Variants in RBMS2 observed in about 807,000 individuals in gnomAD.
RBMS2 encodes RNA binding motif single stranded interacting protein 2, also known as RNA-binding motif, single-stranded-interacting protein 2.
RBMS2 carries 38 observed loss-of-function variants against 58.4 expected under a neutral mutation model. That is an observed-to-expected ratio of 0.65 (90% CI 0.50 to 0.85). The LOEUF (loss-of-function observed/expected upper bound fraction) is 0.85. Ranked by LOEUF, RBMS2 falls within the 40% of genes least tolerant of loss-of-function variation. The pLI is 0.00. For synonymous variants in RBMS2, 151 were observed against 180.7 expected, an observed-to-expected ratio of 0.84 and a Z score of 1.32; for missense variants, 367 against 503.7, an observed-to-expected ratio of 0.73 and a Z score of 2.60.
At position 56,589,462 on chromosome 12, in the gene RBMS2, T is replaced by A; in HGVS notation, c.*329T>A. 2.8e-6 allele frequency: 1 copy of A among 355,108 alleles called. No homozygotes were observed. The highest frequency in any genetic ancestry group is 4.5e-6 in the Non-Finnish European group (1 of 220,418). 22.0% of individuals were successfully genotyped at this position (355,108 alleles called of 1,614,324 possible). The stretch of plus-strand genomic sequence containing the variant: ...TTTCCCCTACCTTGAAGAGACATGG[T>A]GGTCGCAGCTTCTCATCTATATGAA... On this transcript the variant is annotated 3_prime_UTR_variant, in exon 14 of 14. Coordinates refer to ENST00000262031, the MANE Select transcript of RBMS2 (RefSeq NM_002898.4).
chr12:56,552,996 T>A (rs1326069803), intron 1 of RBMS2, among the ~76,000 whole-genome samples: 1 of 135,546 alleles, frequency 7.4e-6, no homozygotes, highest in African/African-American at 2.7e-5. Flanking sequence ...TGGTGCACTC[T>A]CGGCTCACTG....
intron 1 of RBMS2, among the ~76,000 whole-genome samples, chr12:56,550,804 C>A (rs943714248): frequency 2.0e-5 from 3 of 149,618 alleles, no homozygotes; most frequent in Non-Finnish European, 3.0e-5. Context: ...ATTGCGCCAT[C>A]GCACCCTAGC....
chr12:56,595,399 T>TAAAC lies in RBMS2; in HGVS notation c.*6268_*6271dup, dbSNP rs963181406. On this transcript the variant is annotated 3_prime_UTR_variant, in exon 14 of 14. Coordinates refer to ENST00000262031, the MANE Select transcript of RBMS2 (RefSeq NM_002898.4). ...CATGTGGACAGAAAATGTTTATACT[T>TAAAC]AAACAGACATATTTTGCATATTTTT... 1 of 152,180 alleles carries TAAAC rather than the reference T, an allele frequency of 6.6e-6. No individual in the cohort carries two copies. Among genetic ancestry groups the TAAAC allele is most frequent in the Admixed American group, 6.5e-5 (1 of 15,274 alleles). 9.4% of individuals were successfully genotyped at this position (152,180 alleles called of 1,614,324 possible). A position where few individuals can be genotyped will look rare whatever the true frequency, so the allele number is the denominator to read the frequency against.
intron 5 of RBMS2, among the ~76,000 whole-genome samples, chr12:56,573,431 C>A (rs1882629415): frequency 7.4e-6 from 1 of 134,466 alleles, no homozygotes; most frequent in African/African-American, 2.8e-5. Context: ...AAGCCGAGAT[C>A]GCGCCATTGC....
rs188047067 is a variant in RBMS2 at position 56,584,524 on chromosome 12, G to A, written c.874-2325G>A. Among the ~76,000 whole-genome samples, 441 of 151,662 alleles carry A rather than the reference G, an allele frequency of 2.9e-3. 2 individuals are homozygous for A. The highest frequency in any genetic ancestry group is 9.9e-3 in the African/African-American group (408 of 41,352). On this transcript the variant is annotated intron_variant, in intron 9 of 13. Coordinates refer to ENST00000262031, the MANE Select transcript of RBMS2 (RefSeq NM_002898.4). ...TTTGAGGCCAGGCACGGTGGCTCACGCCTATAATCCCAGCACTTTGGGAGG... is the reference window on the plus strand; with the variant it reads ...TTTGAGGCCAGGCACGGTGGCTCACACCTATAATCCCAGCACTTTGGGAGG...
intron 1 of RBMS2, among the ~76,000 whole-genome samples, chr12:56,549,754 CG>C (rs1877896256): frequency 6.6e-6 from 1 of 151,996 alleles, no homozygotes; most frequent in African/African-American, 2.4e-5. Context: ...AGGCAAGGTG[CG>C]GGGGCTCATG....
At chr12:56,580,096 A>AT (rs1295737720) in intron 5 of RBMS2, among the ~76,000 whole-genome samples, 6 of 150,210 alleles carry the variant, frequency 4.0e-5, no homozygotes, top group African/African-American at 9.8e-5. Flanking sequence ...CACTCAGCTA[A>AT]TTTTTTTTGT....
intron 1 of RBMS2, among the ~76,000 whole-genome samples, chr12:56,544,967 G>A (rs985812955): frequency 1.3e-5 from 2 of 151,746 alleles, no homozygotes; most frequent in African/African-American, 4.8e-5. Context: ...TGGTTACATG[G>A]ATAAGTTCTT....
chr12:56,542,265 A>G (rs138247214), intron 1 of RBMS2, among the ~76,000 whole-genome samples: 4 of 151,530 alleles, frequency 2.6e-5, no homozygotes, highest in African/African-American at 2.4e-5. Flanking sequence ...GAGTTTCGCC[A>G]TGTTGCCCAG....
chr12:56,549,868 A>G (rs577345505), intron 1 of RBMS2, among the ~76,000 whole-genome samples: 5 of 152,026 alleles, frequency 3.3e-5, no homozygotes, highest in Non-Finnish European at 7.4e-5. Flanking sequence ...TCTCTACTAA[A>G]AATACAAAAT....
chr12:56,553,228 T>A lies in RBMS2; in HGVS notation c.67-9189T>A, dbSNP rs145889250. On this transcript the variant is annotated intron_variant, in intron 1 of 13. Transcript: ENST00000262031. ...CACTGCACCCTGCCAGGAGTCTTTT[T>A]TGAGACAGAGTATCACTCTATTAAG... is the stretch of plus-strand genomic sequence containing the variant. Among the ~76,000 whole-genome samples the A allele has an allele frequency of 2.9e-3, 440 of 151,978 alleles. 6 individuals carry two copies. The highest frequency in any genetic ancestry group is 5.1e-3 in the Admixed American group (78 of 15,250).
At chr12:56,561,841 G>A (rs560112751) in intron 1 of RBMS2, among the ~76,000 whole-genome samples, 132 of 132,806 alleles carry the variant, frequency 9.9e-4, no homozygotes, top group Non-Finnish European at 1.4e-3. Context: ...TTCCAAACGT[G>A]CTGTCGCCCA....
rs1227117605 is a variant in RBMS2 at position 56,595,788 on chromosome 12, C to A, written c.*6655C>A. The A allele has an allele frequency of 6.6e-6, 1 of 152,592 alleles. No individual in the cohort carries two copies. The highest frequency in any genetic ancestry group is 1.5e-5 in the Non-Finnish European group (1 of 68,046). The allele number at this position is 152,592 out of a possible 1,614,324, so 9.5% of individuals were successfully genotyped here. ...ACATTTAGGCAGGAGCACTAATGAC[C>A]CTTTCCATCCACACAGAGGGTATGG... On this transcript the variant is annotated 3_prime_UTR_variant, in exon 14 of 14. Coordinates refer to ENST00000262031, the MANE Select transcript of RBMS2 (RefSeq NM_002898.4).
chr12:56,566,337 C>T (rs1403997687), intron 2 of RBMS2, among the ~76,000 whole-genome samples: 1 of 152,162 alleles, frequency 6.6e-6, no homozygotes, highest in Non-Finnish European at 1.5e-5. Flanking sequence ...AGCTCTTGTA[C>T]TTCTGACTTT....
At chr12:56,549,361 GATTGGATC>G (rs1877825178) in intron 1 of RBMS2, among the ~76,000 whole-genome samples, 1 of 152,026 alleles carries the variant, frequency 6.6e-6, no homozygotes, top group African/African-American at 2.4e-5. Flanking sequence ...TAGCTCGTCT[GATTGGATC>G]ATTCTCTTAA....
In RBMS2 at chr12:56,581,159, G is replaced by T. The variant is rs1292787283; in HGVS notation, c.543-25G>T. The T allele has an allele frequency of 2.6e-6, 4 of 1,548,448 alleles. No homozygotes were observed. In the African/African-American group the frequency reaches 5.4e-5, roughly 21 times the overall value. On this transcript the variant is annotated intron_variant, in intron 5 of 13. Transcript: ENST00000262031. ...GAGCACAGATCCTGGAGAAGCTAGA[G>T]CCTAACCCCTCTTATGCTCCTTAGG...
chr12:56,555,526 G>A (rs750863595), intron 1 of RBMS2, among the ~76,000 whole-genome samples: 10 of 151,708 alleles, frequency 6.6e-5, no homozygotes, highest in Non-Finnish European at 1.3e-4. Context: ...AGGCTGAAGT[G>A]GGAGGATTGT....
At chr12:56,539,512 T>C (rs1414083049) in intron 1 of RBMS2, among the ~76,000 whole-genome samples, 1 of 152,188 alleles carries the variant, frequency 6.6e-6, no homozygotes, top group African/African-American at 2.4e-5. Context: ...ATTTATATTA[T>C]TATGATTTTA....
intron 5 of RBMS2, among the ~76,000 whole-genome samples, chr12:56,575,266 A>G (rs893298472): frequency 6.9e-6 from 1 of 144,264 alleles, no homozygotes; most frequent in African/African-American, 2.6e-5. Context: ...CATCTCTACA[A>G]AAACAAAACA....
Sources: gnomAD v4.1 joint callset for allele counts (sites outside exome capture counted in the v4.1 genomes callset) on GRCh38, gnomAD v4.1.1 for gene constraint, MANE v1.5 for transcripts, NCBI Gene and HGNC (gene_info 2026-07-23, HGNC 2026-07-21) for gene names.